Variants in RNLS observed in about 807,000 individuals in gnomAD.
RNLS encodes renalase.
In RNLS, 39 loss-of-function variants were observed where a neutral mutation model predicts 39.8. The observed-to-expected ratio is 0.98, with a 90% CI of 0.76 to 1.28. RNLS has a LOEUF of 1.28. Ranked by LOEUF, RNLS falls within the 50% of genes most tolerant of loss-of-function variation. RNLS has a pLI of 0.00. For synonymous variants in RNLS, 147 were observed against 150.7 expected (o/e 0.98, Z 0.18); for missense variants, 410 against 413.3 (o/e 0.99, Z 0.07).
intron 4 of RNLS, among the ~76,000 whole-genome samples, chr10:88,541,080 C>G (rs977900253): frequency 6.6e-6 from 1 of 151,786 alleles, no homozygotes; most frequent in Admixed American, 6.6e-5. Flanking sequence ...TCTACCAGTT[C>G]TCACCCTTGA....
the RNLS span, among the ~76,000 whole-genome samples, chr10:88,265,337 T>C: frequency 6.7e-6 from 1 of 148,174 alleles, no homozygotes; most frequent in Admixed American, 6.7e-5. Flanking sequence ...TTTTTTTTTT[T>C]TTTTTTTTTT....
rs1842972848 is a variant in RNLS at position 88,462,370 on chromosome 10, C to T, written c.527-99645G>A. ...TTGTGTTACAAACAATCCAATTATA[C>T]TCTTTATATTAGATAACATTTGATT... On this transcript the variant is annotated intron_variant, in intron 4 of 6. Transcript: ENST00000331772. 2.0e-5 allele frequency among the ~76,000 whole-genome samples: 3 copies of T among 151,970 alleles called. No homozygotes were observed. In the South Asian group the frequency reaches 6.2e-4, roughly 32 times the overall value.
chr10:88,292,585 A>G (rs991285277), intron 6 of RNLS, among the ~76,000 whole-genome samples: 4 of 151,314 alleles, frequency 2.6e-5, no homozygotes, highest in African/African-American at 9.8e-5. Flanking sequence ...TAAAAAAAAA[A>G]AAAAAACCTA....
intron 4 of RNLS, among the ~76,000 whole-genome samples, chr10:88,465,210 TA>T (rs1843136570): frequency 3.9e-5 from 6 of 152,220 alleles, no homozygotes; most frequent in Middle Eastern, 3.4e-3. Flanking sequence ...TTTTTCCAAA[TA>T]TTTAATTAAA....
chr10:88,463,816 T>C (rs1460313159), intron 4 of RNLS, among the ~76,000 whole-genome samples: 1 of 152,074 alleles, frequency 6.6e-6, no homozygotes, highest in Non-Finnish European at 1.5e-5. Flanking sequence ...GTTACCTGTA[T>C]GTGTGTTTAT....
intron 4 of RNLS, among the ~76,000 whole-genome samples, chr10:88,426,765 G>A (rs1383905559): frequency 6.6e-6 from 1 of 151,928 alleles, no homozygotes; most frequent in Non-Finnish European, 1.5e-5. Flanking sequence ...AGGAGCCAGG[G>A]TTCAAGTTCA....
At chr10:88,195,528 C>T in the RNLS span, among the ~76,000 whole-genome samples, 4 of 152,132 alleles carry the variant, frequency 2.6e-5, no homozygotes, top group Non-Finnish European at 5.9e-5. Flanking sequence ...ACCCTGTAGA[C>T]CCTGTAGTTT....
the RNLS span, among the ~76,000 whole-genome samples, chr10:88,222,406 A>G: frequency 3.3e-5 from 5 of 152,302 alleles, no homozygotes; most frequent in East Asian, 9.6e-4. Flanking sequence ...AGGAGGCTCT[A>G]GTTATCATTT....
the RNLS span, among the ~76,000 whole-genome samples, chr10:88,222,841 C>A: frequency 6.6e-6 from 1 of 152,202 alleles, no homozygotes; most frequent in African/African-American, 2.4e-5. Context: ...AACCAGAAAT[C>A]AATTCGAGGG....
chr10:88,295,192 T>C (rs2132913244), intron 6 of RNLS, among the ~76,000 whole-genome samples: 1 of 152,330 alleles, frequency 6.6e-6, no homozygotes, highest in Middle Eastern at 3.4e-3. Context: ...ACACTGAATC[T>C]TATTACAGAT....
intron 4 of RNLS, among the ~76,000 whole-genome samples, chr10:88,446,564 C>G (rs10736353): frequency 0.33 from 50,031 of 151,884 alleles, 9,710 homozygotes; most frequent in African/African-American, 0.54. Flanking sequence ...TGATAGAATG[C>G]TAGTAAGACT....
chr10:88,528,732 A>G (rs1389108301), intron 4 of RNLS, among the ~76,000 whole-genome samples: 3 of 152,056 alleles, frequency 2.0e-5, no homozygotes, highest in African/African-American at 4.8e-5. Flanking sequence ...ACATGCCTGT[A>G]ATCCCAGCTA....
At chr10:88,376,634 C>T (rs1221045852) in intron 4 of RNLS, among the ~76,000 whole-genome samples, 1 of 152,070 alleles carries the variant, frequency 6.6e-6, no homozygotes, top group African/African-American at 2.4e-5. Context: ...GTCACTGAAT[C>T]GCCAGCTTTA....
the RNLS span, among the ~76,000 whole-genome samples, chr10:88,241,843 TTTG>T: frequency 6.6e-6 from 1 of 152,220 alleles, no homozygotes; most frequent in African/African-American, 2.4e-5. Flanking sequence ...TACAGACTTT[TTTG>T]TTGTTCTGTT....
intron 4 of RNLS, among the ~76,000 whole-genome samples, chr10:88,419,696 A>C (rs1269076058): frequency 6.6e-6 from 1 of 152,182 alleles, no homozygotes; most frequent in Non-Finnish European, 1.5e-5. Flanking sequence ...TTTCTGCTGC[A>C]TAAAGACACT....
At chr10:88,187,701 T>C in the RNLS span, among the ~76,000 whole-genome samples, 1 of 152,212 alleles carries the variant, frequency 6.6e-6, no homozygotes, top group Non-Finnish European at 1.5e-5. Flanking sequence ...TTTAGGGAAG[T>C]ATTAGCTACC....
chr10:88,295,308 C>T (rs1418752380), intron 6 of RNLS, among the ~76,000 whole-genome samples: 2 of 152,064 alleles, frequency 1.3e-5, no homozygotes, highest in East Asian at 3.9e-4. Context: ...CTTTTGGCCA[C>T]AGATTTTTGA....
At chr10:88,321,214 C>A (rs907885498) in intron 5 of RNLS, among the ~76,000 whole-genome samples, 3 of 151,860 alleles carry the variant, frequency 2.0e-5, no homozygotes, top group Non-Finnish European at 4.4e-5. Flanking sequence ...TTTGGGTAAA[C>A]AAAAGAATTA....
downstream of RNLS, among the ~76,000 whole-genome samples, chr10:88,270,577 T>C (rs72818066): frequency 7.0e-3 from 1,067 of 152,302 alleles, 8 homozygotes; most frequent in Non-Finnish European, 0.012. Flanking sequence ...TGTGAGCAAC[T>C]TGAGTCTGGT....
Sources: allele counts gnomAD v4.1 joint callset (sites outside exome capture counted in the v4.1 genomes callset), GRCh38; gene constraint gnomAD v4.1.1; transcripts MANE v1.5; gene names NCBI Gene and HGNC (gene_info 2026-07-23, HGNC 2026-07-21).